UBR3: variants seen among roughly 807,000 people sequenced by gnomAD.
UBR3 encodes the protein ubiquitin protein ligase E3 component n-recognin 3.
A neutral mutation model predicts 243.2 loss-of-function variants in UBR3; 85 were observed. The observed-to-expected ratio is 0.35, with a 90% CI of 0.29 to 0.42. The LOEUF is 0.42. UBR3 is among the 10% of genes least tolerant of loss of function. The probability of loss-of-function intolerance (pLI) is 1.00; values close to 1 mark genes in which losing one functional copy is unlikely to be tolerated. For synonymous variants in UBR3, 748 were observed against 799.8 expected (o/e 0.94, Z 1.09); for missense variants, 1,686 against 2,300.8 (o/e 0.73, Z 5.47).
intron 8 of UBR3, among the ~76,000 whole-genome samples, chr2:169,900,656 A>G (rs1428246482): frequency 1.3e-5 from 2 of 152,010 alleles, no homozygotes; most frequent in African/African-American, 2.4e-5. Context: ...TTTCTTCACT[A>G]GGTGATTTAG....
rs967896813 is a variant in UBR3, at chr2:169,876,524, C to T, written c.844+575C>T. ...GGTGTGACATGATAATTATGCTCTG[C>T]CTCTCTTTATTGTATTGTATTGTAT... On this transcript the variant is annotated intron_variant, in intron 3 of 38. Transcript: ENST00000272793. Among the ~76,000 whole-genome samples, 3 of 97,780 alleles carry T rather than the reference C, an allele frequency of 3.1e-5. No individual in the cohort carries two copies. In the South Asian group the frequency reaches 8.5e-4, roughly 28 times the overall value. The allele number at this position is 97,780 out of a possible 152,430, so 64.1% of individuals were successfully genotyped here.
chr2:169,987,852 T>A (rs1261744669), intron 25 of UBR3, among the ~76,000 whole-genome samples: 1 of 152,068 alleles, frequency 6.6e-6, no homozygotes, highest in East Asian at 1.9e-4. Flanking sequence ...TGAATTCAAA[T>A]ATGGTATTGG....
At chr2:169,901,874 G>A (rs1173827843) in intron 8 of UBR3, among the ~76,000 whole-genome samples, 1 of 152,190 alleles carries the variant, frequency 6.6e-6, no homozygotes, top group Non-Finnish European at 1.5e-5. Context: ...AAAACCATGT[G>A]TTGTATGACA....
At chr2:169,872,154 A>G in intron 1 of UBR3, 82 bp from the exon 2 acceptor site, 1 of 1,028,066 alleles carries the variant, frequency 9.7e-7, no homozygotes, top group Non-Finnish European at 1.3e-6. Flanking sequence ...CCTATATTCC[A>G]TTTACGAATA....
chr2:169,967,734 G>GT (rs2087889008), intron 24 of UBR3, among the ~76,000 whole-genome samples: 1 of 152,074 alleles, frequency 6.6e-6, no homozygotes, highest in South Asian at 2.1e-4. Context: ...GATGGAAGGA[G>GT]TTGTTTTATT....
chr2:169,962,471 T>G (rs2105370080), intron 24 of UBR3, among the ~76,000 whole-genome samples: 1 of 152,240 alleles, frequency 6.6e-6, no homozygotes, highest in East Asian at 1.9e-4. Flanking sequence ...TGCCTGACCC[T>G]CAGAAACGGT....
chr2:170,038,202 C>G (rs2090878586), intron 31 of UBR3, among the ~76,000 whole-genome samples: 1 of 152,132 alleles, frequency 6.6e-6, no homozygotes, highest in South Asian at 2.1e-4. Context: ...AGTTCTCAAG[C>G]CTTTTTGATT....
In UBR3 at chr2:169,827,651, T is replaced by G; in HGVS notation, c.144T>G (p.Ala48=). The change falls in exon 1 of 39, where the codon GCT becomes GCG. Residue 48 remains alanine, a synonymous_variant. Coordinates refer to ENST00000272793, the MANE Select transcript of UBR3 (RefSeq NM_172070.4). ...GCCGGCCGGACAACCGCGCAGGTGC[T>G]GAGGAGCTGCAGGCGCTGCTGGAGC... ...ALSRPDNRAG[A]EELQALLERV... is the part of the protein sequence containing the mutation. The G allele has an allele frequency of 5.6e-6, 7 of 1,248,386 alleles. No individual in the cohort carries two copies. The highest frequency in any genetic ancestry group is 7.0e-6 in the Non-Finnish European group (7 of 997,942). The allele number at this position is 1,248,386 out of a possible 1,614,324, so 77.3% of individuals were successfully genotyped here.
At chr2:170,025,916 A>AGCTGG (rs1187861987) in intron 30 of UBR3, among the ~76,000 whole-genome samples, 2 of 152,104 alleles carry the variant, frequency 1.3e-5, no homozygotes, top group Non-Finnish European at 2.9e-5. Context: ...TTAACATTGG[A>AGCTGG]GCTGGGCTGG....
intron 8 of UBR3, among the ~76,000 whole-genome samples, chr2:169,897,345 C>T (rs2084629743): frequency 6.6e-6 from 1 of 152,048 alleles, no homozygotes; most frequent in African/African-American, 2.4e-5. Flanking sequence ...GTGGTTGATA[C>T]TCTTCAACCT....
intron 24 of UBR3, among the ~76,000 whole-genome samples, chr2:169,963,662 C>G (rs1343798739): frequency 6.6e-6 from 1 of 151,978 alleles, no homozygotes; most frequent in Non-Finnish European, 1.5e-5. Context: ...TTAGAAAACA[C>G]AAATAATAAA....
At chr2:170,059,705 C>G (rs1208080701) in intron 33 of UBR3, among the ~76,000 whole-genome samples, 1 of 151,992 alleles carries the variant, frequency 6.6e-6, no homozygotes, top group Non-Finnish European at 1.5e-5. Context: ...ACCGCAGAGT[C>G]AGAGTCGTTT....
intron 35 of UBR3, among the ~76,000 whole-genome samples, chr2:170,066,966 A>AAATAATAATAATAATAATAATAAT (rs6147024): frequency 6.1e-4 from 63 of 102,554 alleles, no homozygotes; most frequent in South Asian, 1.5e-3. Context: ...TCCGTCTCTA[A>AAATAATAATAATAATAATAATAAT]AATAATAATA....
chr2:169,976,307 AT>A (rs543557498), intron 24 of UBR3, among the ~76,000 whole-genome samples: 87 of 140,004 alleles, frequency 6.2e-4, no homozygotes, highest in East Asian at 1.1e-3. Context: ...ATAATGTTTG[AT>A]TTTTTTTTTT....
intron 1 of UBR3, among the ~76,000 whole-genome samples, chr2:169,841,651 C>CG (rs1307939153): frequency 6.6e-6 from 1 of 152,212 alleles, no homozygotes; most frequent in African/African-American, 2.4e-5. Context: ...CTGCTGGCCC[C>CG]GGGCAATGGG....
intron 29 of UBR3, among the ~76,000 whole-genome samples, chr2:170,013,122 C>T (rs969044388): frequency 2.0e-5 from 3 of 152,112 alleles, no homozygotes; most frequent in African/African-American, 7.2e-5. Flanking sequence ...AAAACTTCCA[C>T]TCCCAGCATA....
At chr2:169,964,899 A>C (rs1290870033) in intron 24 of UBR3, 6 of 456,996 alleles carry the variant, frequency 1.3e-5, no homozygotes, top group South Asian at 9.3e-5. Flanking sequence ...GGCAGTTCAC[A>C]GAAGTCTTCA....
intron 15 of UBR3, 46 bp downstream of exon 15, chr2:169,926,790 A>G: frequency 6.5e-7 from 1 of 1,544,114 alleles, no homozygotes; most frequent in African/African-American, 1.4e-5. Context: ...TGTCCAGTTA[A>G]TTTTGTTTTA....
At chr2:169,888,433 C>T (rs1195406769) in intron 5 of UBR3, among the ~76,000 whole-genome samples, 1 of 152,138 alleles carries the variant, frequency 6.6e-6, no homozygotes, top group African/African-American at 2.4e-5. Context: ...GCCACCGCGC[C>T]TCGTCCTGTA....
Sources: allele counts gnomAD v4.1 joint callset (sites outside exome capture counted in the v4.1 genomes callset), GRCh38; gene constraint gnomAD v4.1.1; transcripts MANE v1.5; gene names NCBI Gene and HGNC (gene_info 2026-07-23, HGNC 2026-07-21).